Variants in CENPE observed in about 807,000 individuals in gnomAD.
CENPE encodes centromere protein E, also known as centromere-associated protein E.
Under a neutral mutation model 336.1 loss-of-function variants are expected in CENPE, and 145 were observed. That is an observed-to-expected ratio of 0.43 (90% CI 0.38 to 0.50). The LOEUF is 0.50. Among genes scored for constraint, CENPE ranks in the 20% least tolerant of loss-of-function variants. CENPE has a pLI of 0.00. For missense variants in CENPE, 2,719 were observed against 3,023.3 expected, an observed-to-expected ratio of 0.90 and a Z score of 2.36; for synonymous variants, 1,013 against 984.8, an observed-to-expected ratio of 1.03 and a Z score of -0.54.
rs758053825 is a variant in CENPE at position 103,120,348 on chromosome 4, A to G, written c.7144-15T>C. On this transcript the variant is annotated splice_polypyrimidine_tract_variant and intron_variant, in intron 43 of 48. Transcript: ENST00000265148. Reference sequence around the variant, plus strand: ...TCTCGAATTTTCTATTAGAAAAAGCACACATTCATAAGCTCTATCATCAAG... The same window carrying G: ...TCTCGAATTTTCTATTAGAAAAAGCGCACATTCATAAGCTCTATCATCAAG... 5.6e-6 allele frequency: 9 copies of G among 1,598,982 alleles called. No homozygotes were observed. The highest frequency in any genetic ancestry group is 7.7e-6 in the Non-Finnish European group (9 of 1,173,094).
At chr4:103,174,651 T>TA (rs1248941610) in intron 16 of CENPE, 85 bp downstream of exon 16, 1 of 1,006,658 alleles carries the variant, frequency 9.9e-7, no homozygotes, top group East Asian at 3.0e-5. Flanking sequence ...TAAAAAAAAT[T>TA]AAAAAAGCTT....
intron 1 of CENPE, among the ~76,000 whole-genome samples, chr4:103,197,612 T>C (rs1757839123): frequency 6.6e-6 from 1 of 152,226 alleles, no homozygotes; most frequent in African/African-American, 2.4e-5. Flanking sequence ...GCATTTCGGG[T>C]CGAGGGCCAG....
At chr4:103,135,742 G>A (rs1413301556) in intron 40 of CENPE, among the ~76,000 whole-genome samples, 1 of 147,852 alleles carries the variant, frequency 6.8e-6, no homozygotes, top group African/African-American at 2.5e-5. Flanking sequence ...ATAGTCTAAT[G>A]ATTCCCCATC....
chr4:103,161,904 C>T (rs1437735774), intron 18 of CENPE, among the ~76,000 whole-genome samples: 1 of 151,788 alleles, frequency 6.6e-6, no homozygotes, highest in Non-Finnish European at 1.5e-5. Context: ...AAGAAACTTA[C>T]AGATGAGAAA....
chr4:103,129,748 A>C (rs1367382977), intron 42 of CENPE, among the ~76,000 whole-genome samples: 3 of 151,554 alleles, frequency 2.0e-5, no homozygotes, highest in East Asian at 3.9e-4. Context: ...AATAAAATAA[A>C]AAACAAAGAT....
At position 103,142,147 on chromosome 4, in the gene CENPE, A is replaced by G. The variant is rs112178433; in HGVS notation, c.5305-239T>C. On this transcript the variant is annotated intron_variant, in intron 34 of 48. Transcript: ENST00000265148. ...TTTAAGTGTTGCATAGTATTTCGAT[A>G]TATTGTTCATATTTACTGTTTCCTT... Among the ~76,000 whole-genome samples the G allele has an allele frequency of 7.2e-3, 1,100 of 152,206 alleles. 8 individuals carry two copies. The highest frequency in any genetic ancestry group is 0.025 in the African/African-American group (1,022 of 41,526).
intron 12 of CENPE, among the ~76,000 whole-genome samples, chr4:103,180,893 C>T (rs1361547772): frequency 6.6e-6 from 1 of 151,946 alleles, no homozygotes; most frequent in African/African-American, 2.4e-5. Context: ...AAATATGGGA[C>T]CATGATGGTT....
At chr4:103,185,460 AAATT>A (rs747660302) in intron 9 of CENPE, among the ~76,000 whole-genome samples, 2 of 152,022 alleles carry the variant, frequency 1.3e-5, no homozygotes, top group African/African-American at 4.8e-5. Context: ...TAACTTTTAA[AAATT>A]AATATCTGCA....
At position 103,158,622 on chromosome 4, in the gene CENPE, C is replaced by T. The variant is rs1405821117; in HGVS notation, c.2866G>A (p.Val956Ile). 1 of 1,597,060 alleles carries T rather than the reference C, an allele frequency of 6.3e-7. No individual in the cohort carries two copies. Among genetic ancestry groups the T allele is most frequent in the Non-Finnish European group, 8.5e-7 (1 of 1,175,316 alleles). ...DQLKSDIHDT[V>I]NMNIDTQEQL... is the part of the protein sequence containing the mutation. ...ATCAATCAAAACCTTACCATGTTAA[C>T]AGTATCGTGAATATCACTTTTGAGT... The change falls in exon 23 of 49, where the codon GTT becomes ATT. Residue 956 changes from valine (V) to isoleucine (I), a missense_variant. Physicochemically the swap from Val to Ile is conservative, Grantham distance 29 (BLOSUM62 3). Coordinates refer to ENST00000265148, the MANE Select transcript of CENPE (RefSeq NM_001813.3).
chr4:103,147,752 GGC>G, intron 28 of CENPE, 106 bp from the exon 29 acceptor site: 7 of 943,502 alleles, frequency 7.4e-6, no homozygotes, highest in Non-Finnish European at 1.1e-5. Context: ...GGAGTGCAGT[GGC>G]GCAATCTCAG....
chr4:103,118,854 C>T (rs1750368722), intron 44 of CENPE, among the ~76,000 whole-genome samples: 1 of 152,154 alleles, frequency 6.6e-6, no homozygotes, highest in Admixed American at 6.5e-5. Context: ...GCTTACAGGG[C>T]CTTTATGATC....
In CENPE at chr4:103,132,822, C is replaced by G; in HGVS notation, c.6795G>C (p.Arg2265Ser). 1 of 1,586,142 alleles carries G rather than the reference C, an allele frequency of 6.3e-7. No homozygotes were observed. Among genetic ancestry groups the G allele is most frequent in the Non-Finnish European group, 8.6e-7 (1 of 1,161,614 alleles). The change falls in exon 42 of 49, where the codon AGG becomes AGC. Residue 2265 changes from arginine to serine, a missense_variant. By Grantham distance (110) the Arg-to-Ser change is moderately radical (BLOSUM62 -1). Transcript: ENST00000265148. ...KTEFQQVLSNRKEMTQFLEEW... is the reference protein window; with the variant it reads ...KTEFQQVLSNSKEMTQFLEEW... ...CTTCCAAAAACTGTGTCATTTCTTTCCTATTACTTAGTACTTGTTGAAATT... is the reference window on the plus strand; with the variant it reads ...CTTCCAAAAACTGTGTCATTTCTTTGCTATTACTTAGTACTTGTTGAAATT...
At position 103,145,139 on chromosome 4, in the gene CENPE, T is replaced by C. The variant is rs1232095023; in HGVS notation, c.4768A>G (p.Lys1590Glu). Reference protein sequence around the residue: ...ESQEEIQIMIKEKEEMKRVQE... With the variant: ...ESQEEIQIMIEEKEEMKRVQE... ...ACTCTTTTCATTTCCTCTTTTTCCT[T>C]AATCATAATTTGTATTTCTTCTTGA... Residue 1590 changes from lysine (K) to glutamate (E), a missense_variant, in exon 32 of 49, where the codon AAG becomes GAG. Lys to Glu is a moderately conservative substitution (Grantham distance 56). This residue lies in a region of CENPE where 2,437 missense variants were observed against 2,513.3 expected (regional missense o/e 0.97). Coordinates refer to ENST00000265148, the MANE Select transcript of CENPE (RefSeq NM_001813.3). 2 of 1,612,486 alleles carry C rather than the reference T, an allele frequency of 1.2e-6. No individual in the cohort carries two copies. The highest frequency in any genetic ancestry group is 1.7e-6 in the Non-Finnish European group (2 of 1,179,378).
At chr4:103,140,104 A>T (rs1752412882) in intron 37 of CENPE, 25 bp from the exon 38 acceptor site, 1 of 1,576,632 alleles carries the variant, frequency 6.3e-7, no homozygotes, top group East Asian at 2.2e-5. Context: ...AAAACAAGTT[A>T]GAATGTAAGC....
chr4:103,167,488 G>C (rs1755020833), intron 16 of CENPE, among the ~76,000 whole-genome samples: 1 of 151,974 alleles, frequency 6.6e-6, no homozygotes, highest in Non-Finnish European at 1.5e-5. Context: ...AAAATGGTTA[G>C]ATCTTCAACA....
intron 45 of CENPE, 195 bp downstream of exon 45, chr4:103,116,382 G>C: frequency 2.7e-6 from 1 of 363,816 alleles, no homozygotes; most frequent in South Asian, 4.8e-5. Flanking sequence ...TCAGAATTGT[G>C]TTTAGTTTTA....
Position 103,195,236 on chromosome 4 carries a change from A to T in CENPE, c.358-3T>A. 6.4e-7 allele frequency: 1 copy of T among 1,566,930 alleles called. No individual in the cohort carries two copies. Among genetic ancestry groups the T allele is most frequent in the Non-Finnish European group, 8.6e-7 (1 of 1,164,198 alleles). On this transcript the variant is annotated splice_region_variant and splice_polypyrimidine_tract_variant and intron_variant, in intron 4 of 48. Transcript: ENST00000265148. Reference sequence around the variant, plus strand: ...AAGAGAAATTCCCTATCAGGAAACTAGAAGAAAAAAAATTATATAAAAACA... The same window carrying T: ...AAGAGAAATTCCCTATCAGGAAACTTGAAGAAAAAAAATTATATAAAAACA...
In CENPE at chr4:103,198,242, G is replaced by A. The variant is rs111485184; in HGVS notation, c.56+22C>T. 3.7e-4 allele frequency: 567 copies of A among 1,548,966 alleles called. 6 individuals carry two copies. The African/African-American group carries it at 6.6e-3, about 18-fold the overall frequency. On this transcript the variant is annotated intron_variant, in intron 1 of 48. Coordinates refer to ENST00000265148, the MANE Select transcript of CENPE (RefSeq NM_001813.3). ...GGCGCCGCAGGCCCAGCGGGCACCG[G>A]GCCGTGGTGTGGCCCCCCTACCTGC...
intron 8 of CENPE, among the ~76,000 whole-genome samples, chr4:103,186,645 C>T (rs951995819): frequency 5.9e-5 from 9 of 152,274 alleles, no homozygotes; most frequent in Non-Finnish European, 7.4e-5. Flanking sequence ...GGTCTCTGCT[C>T]TCATGGAGCT....
Sources: allele counts gnomAD v4.1 joint callset (sites outside exome capture counted in the v4.1 genomes callset), GRCh38; gene constraint gnomAD v4.1.1; regional missense constraint gnomAD v4.1.1; transcripts MANE v1.5; gene names NCBI Gene and HGNC (gene_info 2026-07-23, HGNC 2026-07-21).